The following LAMA3 variants were observed in gnomAD, a reference collection of about 807,000 sequenced individuals.
LAMA3 encodes laminin subunit alpha-3.
A neutral mutation model predicts 402.0 loss-of-function variants in LAMA3; 281 were observed. The ratio of observed to expected loss-of-function variants is 0.70; its 90% CI spans 0.63 to 0.77. LAMA3 has a LOEUF of 0.77. Among genes scored for constraint, LAMA3 ranks in the 30% least tolerant of loss-of-function variants. The probability of loss-of-function intolerance (pLI) is 0.00; values close to 1 mark genes in which losing one functional copy is unlikely to be tolerated. For missense variants in LAMA3, 3,840 were observed against 4,215.5 expected (o/e 0.91, Z 2.47); for synonymous variants, 1,431 against 1,558.4 (o/e 0.92, Z 1.93).
intron 11 of LAMA3, among the ~76,000 whole-genome samples, chr18:23,779,161 C>T (rs1252673635): frequency 4.6e-5 from 7 of 152,122 alleles, no homozygotes; most frequent in Non-Finnish European, 1.0e-4. Context: ...CCCTCGTCAG[C>T]CACTAGAGAG....
At chr18:23,727,620 T>TG (rs1176431433) in intron 2 of LAMA3, among the ~76,000 whole-genome samples, 1 of 151,744 alleles carries the variant, frequency 6.6e-6, no homozygotes, top group Non-Finnish European at 1.5e-5. Flanking sequence ...CCACCTCCCC[T>TG]GGCCCCTTGT....
At chr18:23,743,630 G>A (rs1343056523) in intron 2 of LAMA3, among the ~76,000 whole-genome samples, 1 of 152,206 alleles carries the variant, frequency 6.6e-6, no homozygotes, top group Non-Finnish European at 1.5e-5. Flanking sequence ...TACTCACCCT[G>A]AAGTCTTTTG....
intron 32 of LAMA3, among the ~76,000 whole-genome samples, chr18:23,850,020 T>TA (rs142025284): frequency 0.16 from 24,248 of 152,174 alleles, 4,315 homozygotes; most frequent in African/African-American, 0.43. Context: ...TACTTCTTTA[T>TA]AAATATTAGA....
chr18:23,794,897 C>A (rs768987906), intron 12 of LAMA3, among the ~76,000 whole-genome samples: 9 of 152,182 alleles, frequency 5.9e-5, no homozygotes, highest in Non-Finnish European at 1.3e-4. Flanking sequence ...TCTTAAAAAA[C>A]CACAAACTCT....
chr18:23,810,322 T>C, intron 12 of LAMA3, 44 bp from the exon 13 acceptor site: 1 of 1,612,364 alleles, frequency 6.2e-7, no homozygotes, highest in South Asian at 1.1e-5. Flanking sequence ...CCCCCTCCCA[T>C]ACCTGCAACC....
chr18:23,923,013 C>G (rs1488767808), intron 62 of LAMA3, among the ~76,000 whole-genome samples: 1 of 152,202 alleles, frequency 6.6e-6, no homozygotes, highest in Non-Finnish European at 1.5e-5. Context: ...CCTAATCCAA[C>G]TGGGGCCATC....
At chr18:23,730,368 C>CTTTT (rs11362144) in intron 2 of LAMA3, among the ~76,000 whole-genome samples, 11 of 118,674 alleles carry the variant, frequency 9.3e-5, no homozygotes, top group African/African-American at 1.7e-4. Context: ...CTTTTTCTTT[C>CTTTT]TTTTTTTTTT....
At chr18:23,736,336 A>G (rs2061474330) in intron 2 of LAMA3, among the ~76,000 whole-genome samples, 2 of 150,402 alleles carry the variant, frequency 1.3e-5, no homozygotes, top group Non-Finnish European at 3.0e-5. Flanking sequence ...GTTCACCCAT[A>G]TTGCTGGATA....
chr18:23,699,495 G>A (rs1266126078), intron 1 of LAMA3, among the ~76,000 whole-genome samples: 2 of 152,206 alleles, frequency 1.3e-5, no homozygotes, highest in Admixed American at 6.5e-5. Context: ...TGAGGAATGC[G>A]TCAGGTTGGG....
At chr18:23,697,280 G>A (rs1389134427) in intron 1 of LAMA3, among the ~76,000 whole-genome samples, 4 of 152,176 alleles carry the variant, frequency 2.6e-5, no homozygotes, top group Admixed American at 6.5e-5. Flanking sequence ...CAATTACAAG[G>A]CTTTACTTGG....
At chr18:23,750,041 C>T (rs1223182693) in intron 4 of LAMA3, among the ~76,000 whole-genome samples, 1 of 152,172 alleles carries the variant, frequency 6.6e-6, no homozygotes, top group African/African-American at 2.4e-5. Flanking sequence ...AGCCTGCTTC[C>T]CTGAATGACT....
chr18:23,895,083 G>T, intron 44 of LAMA3, 25 bp downstream of exon 44: 3 of 1,567,190 alleles, frequency 1.9e-6, no homozygotes, highest in Non-Finnish European at 1.7e-6. Context: ...GCCGAGAGTA[G>T]ACACGTGGGG....
rs6507894 is a variant in LAMA3, at chr18:23,758,312, C to T, written c.948-84C>T. ...GGTGCCGTGGATGACCGTGATGACT[C>T]GTGTGTCAGGTTCGCACTATAGGAT... On this transcript the variant is annotated intron_variant, in intron 6 of 74. Transcript: ENST00000313654. 0.71 allele frequency: 643,568 copies of T among 912,352 alleles called. 228,733 individuals are homozygous for T. The highest frequency in any genetic ancestry group is 0.82 in the Middle Eastern group (3,902 of 4,752). 56.5% of individuals were successfully genotyped at this position (912,352 alleles called of 1,614,324 possible).
chr18:23,743,317 A>C (rs1000660545), intron 2 of LAMA3, among the ~76,000 whole-genome samples: 8 of 152,160 alleles, frequency 5.3e-5, no homozygotes, highest in Non-Finnish European at 1.2e-4. Flanking sequence ...AGTTGATTCT[A>C]CTACAACTTA....
intron 1 of LAMA3, among the ~76,000 whole-genome samples, chr18:23,707,109 T>C (rs1261297149): frequency 6.6e-6 from 1 of 152,318 alleles, no homozygotes; most frequent in East Asian, 1.9e-4. Context: ...CAGTTTTTTC[T>C]CTCACAATTC....
At chr18:23,925,300 C>T (rs891279) in intron 62 of LAMA3, among the ~76,000 whole-genome samples, 146,710 of 152,320 alleles carry the variant, frequency 0.96, 70,771 homozygotes, top group East Asian at 1. Context: ...GGAATGGGGA[C>T]CCAGATCTTG....
chr18:23,852,904 C>T (rs539049890), intron 32 of LAMA3, among the ~76,000 whole-genome samples: 1 of 152,106 alleles, frequency 6.6e-6, no homozygotes, highest in Non-Finnish European at 1.5e-5. Flanking sequence ...CTCCTACTAC[C>T]CCCAAATTAT....
At chr18:23,871,916 G>A (rs2064535769) in intron 38 of LAMA3, among the ~76,000 whole-genome samples, 1 of 152,128 alleles carries the variant, frequency 6.6e-6, no homozygotes, top group Non-Finnish European at 1.5e-5. Flanking sequence ...ATCCAGGGTA[G>A]GAAAATAATG....
intron 3 of LAMA3, among the ~76,000 whole-genome samples, chr18:23,748,882 T>G (rs1274304021): frequency 6.6e-6 from 1 of 152,026 alleles, no homozygotes; most frequent in African/African-American, 2.4e-5. Flanking sequence ...AAGTAGAAAC[T>G]CCTTTTATGA....
Sources: gnomAD v4.1 joint callset for allele counts (sites outside exome capture counted in the v4.1 genomes callset) on GRCh38, gnomAD v4.1.1 for gene constraint, MANE v1.5 for transcripts, NCBI Gene and HGNC (gene_info 2026-07-23, HGNC 2026-07-21) for gene names.